Variants in JDP2 observed in about 807,000 individuals in gnomAD.
JDP2 encodes the protein Jun dimerization protein 2, also known as progesterone receptor co-activator.
Under a neutral mutation model 17.1 loss-of-function variants are expected in JDP2, and 9 were observed. The ratio of observed to expected loss-of-function variants is 0.53; its 90% CI spans 0.32 to 0.92. The LOEUF (loss-of-function observed/expected upper bound fraction) is 0.92, where lower values mean the gene tolerates loss of function less well. JDP2 is among the 40% of genes least tolerant of loss of function. The pLI, the probability that JDP2 is intolerant of heterozygous loss-of-function variation, is 0.04. For missense variants in JDP2, 179 were observed against 220.0 expected, an observed-to-expected ratio of 0.81 and a Z score of 1.18; for synonymous variants, 107 against 95.6, an observed-to-expected ratio of 1.12 and a Z score of -0.69.
At chr14:75,459,207 C>T (rs1002147732) in intron 2 of JDP2, among the ~76,000 whole-genome samples, 28 of 152,192 alleles carry the variant, frequency 1.8e-4, no homozygotes, top group African/African-American at 4.8e-4. Flanking sequence ...GAGATTGCAC[C>T]GCCAGCCACT....
chr14:75,432,575 C>T (rs375085219), intron 1 of JDP2, among the ~76,000 whole-genome samples: 47 of 152,346 alleles, frequency 3.1e-4, no homozygotes, highest in South Asian at 1.4e-3. Flanking sequence ...CTCTCACCTC[C>T]GCATTCTCCC....
Position 75,473,045 on chromosome 14 carries a change from C to T in JDP2, c.*3570C>T, listed in dbSNP as rs1886846155. ...GCCTGAGAAAGACAAGACGCTTTAG[C>T]TATCAGATGGGCAGAAACAAGTATG... On this transcript the variant is annotated 3_prime_UTR_variant, in exon 4 of 4. Coordinates refer to ENST00000651602, the MANE Select transcript of JDP2 (RefSeq NM_001135048.2). 1 of 152,212 alleles carries T rather than the reference C, an allele frequency of 6.6e-6. No individual in the cohort carries two copies. The highest frequency in any genetic ancestry group is 1.5e-5 in the Non-Finnish European group (1 of 68,058). The allele number at this position is 152,212 out of a possible 1,614,324, so 9.4% of individuals were successfully genotyped here.
At chr14:75,443,949 C>A (rs1226652762) in intron 2 of JDP2, among the ~76,000 whole-genome samples, 1 of 151,822 alleles carries the variant, frequency 6.6e-6, no homozygotes, top group Non-Finnish European at 1.5e-5. Context: ...GTTGCCCAGG[C>A]TGGAGTGCAA....
At chr14:75,453,901 T>G (rs1313943652) in intron 2 of JDP2, among the ~76,000 whole-genome samples, 3 of 152,236 alleles carry the variant, frequency 2.0e-5, no homozygotes, top group Admixed American at 6.5e-5. Flanking sequence ...TTTTCTTTTG[T>G]GTCCATTTTT....
intron 2 of JDP2, among the ~76,000 whole-genome samples, chr14:75,456,625 T>A (rs1165333798): frequency 1.3e-5 from 2 of 151,992 alleles, no homozygotes; most frequent in African/African-American, 4.8e-5. Flanking sequence ...TGGAGCTGAG[T>A]GGTTGTTTCT....
In JDP2 at chr14:75,438,107, C is replaced by G. The variant is rs779643581; in HGVS notation, c.187C>G (p.Pro63Ala). 1 of 1,609,388 alleles carries G rather than the reference C, an allele frequency of 6.2e-7. No homozygotes were observed. The highest frequency in any genetic ancestry group is 1.1e-5 in the South Asian group (1 of 90,642). Residue 63 changes from proline (P) to alanine (A), a missense_variant, in exon 2 of 4, where the codon CCC becomes GCC. By Grantham distance (27) the Pro-to-Ala change is conservative. Coordinates refer to ENST00000651602, the MANE Select transcript of JDP2 (RefSeq NM_001135048.2). ...GGTGAAACTGGGCAAGAGGCCCCAGCCCGTGAAAAGTGAGGTGAGCGAGCC... is the reference window on the plus strand; with the variant it reads ...GGTGAAACTGGGCAAGAGGCCCCAGGCCGTGAAAAGTGAGGTGAGCGAGCC... ...LEVKLGKRPQ[P>A]VKSELDEEEE...
chr14:75,433,731 G>A (rs1441508646), intron 1 of JDP2, among the ~76,000 whole-genome samples: 1 of 151,898 alleles, frequency 6.6e-6, no homozygotes, highest in African/African-American at 2.4e-5. Context: ...TTGGATGTGT[G>A]CTTCACCCAG....
At chr14:75,458,347 G>A (rs1011725082) in intron 2 of JDP2, among the ~76,000 whole-genome samples, 1 of 152,080 alleles carries the variant, frequency 6.6e-6, no homozygotes, top group African/African-American at 2.4e-5. Context: ...GTAGGCCCCA[G>A]TGTGTGTTGT....
In JDP2 at chr14:75,456,551, C is replaced by T. The variant is rs555093582; in HGVS notation, c.202-4875C>T. On this transcript the variant is annotated intron_variant, in intron 2 of 3. Coordinates refer to ENST00000651602, the MANE Select transcript of JDP2 (RefSeq NM_001135048.2). ...CACCTGCTTTCCCCTGCTCCAGGCC[C>T]GGCTTTTCTCTCCATCCCCCTTTCC... is the stretch of plus-strand genomic sequence containing the variant. 6.8e-4 allele frequency among the ~76,000 whole-genome samples: 103 copies of T among 152,298 alleles called. 1 individual carries two copies. Among genetic ancestry groups the T allele is most frequent in the Admixed American group, 6.3e-3 (96 of 15,296 alleles).
At chr14:75,453,672 G>A (rs998509479) in intron 2 of JDP2, among the ~76,000 whole-genome samples, 1 of 152,224 alleles carries the variant, frequency 6.6e-6, no homozygotes, top group African/African-American at 2.4e-5. Flanking sequence ...GAGAGGCCAA[G>A]TAACTTGCCC....
chr14:75,443,964 A>C (rs1339488026), intron 2 of JDP2, among the ~76,000 whole-genome samples: 1 of 151,694 alleles, frequency 6.6e-6, no homozygotes, highest in Non-Finnish European at 1.5e-5. Context: ...GTGCAATGGC[A>C]TGATCTTGGC....
chr14:75,444,773 C>G (rs1450611127), intron 2 of JDP2, among the ~76,000 whole-genome samples: 1 of 152,214 alleles, frequency 6.6e-6, no homozygotes, highest in African/African-American at 2.4e-5. Context: ...GTGTAGTGAA[C>G]TACCTATTCT....
In JDP2 at chr14:75,455,944, C is replaced by T. The variant is rs1594967567; in HGVS notation, c.202-5482C>T. Reference sequence around the variant, plus strand: ...GCTTAAGGGCCCTTCCGCATCCAGGCTCTGCTGCTTTCTCAGCGGTTTTAG... The same window carrying T: ...GCTTAAGGGCCCTTCCGCATCCAGGTTCTGCTGCTTTCTCAGCGGTTTTAG... On this transcript the variant is annotated intron_variant, in intron 2 of 3. Transcript: ENST00000651602. Among the ~76,000 whole-genome samples, 7 of 152,206 alleles carry T rather than the reference C, an allele frequency of 4.6e-5. 1 individual carries two copies. In the South Asian group the frequency reaches 1.4e-3, roughly 31 times the overall value.
chr14:75,435,056 C>T (rs986651767), intron 1 of JDP2, among the ~76,000 whole-genome samples: 3 of 152,232 alleles, frequency 2.0e-5, no homozygotes, highest in South Asian at 4.1e-4. Context: ...CTGCTGGCCG[C>T]GTGGCCACAT....
chr14:75,472,029 G>A lies in JDP2; in HGVS notation c.*2554G>A, dbSNP rs965214287. 4 of 152,176 alleles carry A rather than the reference G, an allele frequency of 2.6e-5. No individual in the cohort carries two copies. The highest frequency in any genetic ancestry group is 9.7e-5 in the African/African-American group (4 of 41,418). 9.4% of individuals were successfully genotyped at this position (152,176 alleles called of 1,614,324 possible). A position where few individuals can be genotyped will look rare whatever the true frequency, so the allele number is the denominator to read the frequency against. On this transcript the variant is annotated 3_prime_UTR_variant, in exon 4 of 4. Transcript: ENST00000651602. ...AGAGCCTCCTTAGCCTGTGCAGGTG[G>A]GCTGTCTTCCAAAGTCACCACACCA...
intron 2 of JDP2, among the ~76,000 whole-genome samples, chr14:75,440,909 A>G (rs899766239): frequency 6.6e-6 from 1 of 152,196 alleles, no homozygotes; most frequent in Non-Finnish European, 1.5e-5. Context: ...TGGCTGGGAA[A>G]TGAGCTCAGG....
rs74067249 is a variant in JDP2 at position 75,457,445 on chromosome 14, T to A, written c.202-3981T>A. 2.2e-3 allele frequency among the ~76,000 whole-genome samples: 333 copies of A among 152,372 alleles called. 3 individuals carry two copies. The highest frequency in any genetic ancestry group is 7.8e-3 in the African/African-American group (323 of 41,596). On this transcript the variant is annotated intron_variant, in intron 2 of 3. Coordinates refer to ENST00000651602, the MANE Select transcript of JDP2 (RefSeq NM_001135048.2). ...GCAGAGGGGATCTGCCAAATGCCTG[T>A]CTTGTTTCTGGTAGGGCCTTAACAG...
intron 2 of JDP2, among the ~76,000 whole-genome samples, chr14:75,451,117 A>G (rs1047498810): frequency 6.6e-6 from 1 of 152,204 alleles, no homozygotes; most frequent in Non-Finnish European, 1.5e-5. Flanking sequence ...AGGTGGGGCC[A>G]AGTCCCAGCA....
At chr14:75,435,972 T>G (rs1885046659) in intron 1 of JDP2, among the ~76,000 whole-genome samples, 1 of 152,166 alleles carries the variant, frequency 6.6e-6, no homozygotes, top group South Asian at 2.1e-4. Context: ...CGGGTCCACT[T>G]CCCATTCCCA....
Sources: gnomAD v4.1 joint callset for allele counts (sites outside exome capture counted in the v4.1 genomes callset) on GRCh38, gnomAD v4.1.1 for gene constraint, MANE v1.5 for transcripts, NCBI Gene and HGNC (gene_info 2026-07-23, HGNC 2026-07-21) for gene names.